The following ACSF3 variants were observed in gnomAD, a reference collection of about 807,000 sequenced individuals.
ACSF3 encodes acyl-CoA synthetase family member 3, also known as malonate--CoA ligase ACSF3, mitochondrial.
ACSF3 carries 78 observed loss-of-function variants against 53.2 expected under a neutral mutation model. The observed-to-expected ratio is 1.47, with a 90% CI of 1.22 to 1.77. The LOEUF is 1.77. Ranked by LOEUF, ACSF3 falls within the 40% of genes most tolerant of loss-of-function variation. ACSF3 has a pLI of 0.00. For synonymous variants in ACSF3, 414 were observed against 333.1 expected, an observed-to-expected ratio of 1.24 and a Z score of -2.65; for missense variants, 937 against 771.1, an observed-to-expected ratio of 1.22 and a Z score of -2.55.
intron 7 of ACSF3, 109 bp from the exon 8 acceptor site, chr16:89,133,027 C>G (rs1233431916): frequency 1.3e-6 from 2 of 1,503,500 alleles, no homozygotes; most frequent in South Asian, 1.1e-5. Flanking sequence ...AGAAAGCACG[C>G]GGCCCTGGGT....
intron 4 of ACSF3, among the ~76,000 whole-genome samples, chr16:89,104,355 C>T (rs544390865): frequency 6.6e-6 from 1 of 152,206 alleles, no homozygotes; most frequent in Non-Finnish European, 1.5e-5. Flanking sequence ...TTGGTCTGTG[C>T]GGGGTTGTTC....
At chr16:89,141,885 C>G (rs527302345) in intron 8 of ACSF3, among the ~76,000 whole-genome samples, 27 of 152,216 alleles carry the variant, frequency 1.8e-4, no homozygotes, top group Non-Finnish European at 3.5e-4. Flanking sequence ...AAGTTCTGGG[C>G]ACAGAAGCAC....
At chr16:89,098,829 T>C (rs931727000) in intron 2 of ACSF3, 66 bp downstream of exon 2, 3 of 453,310 alleles carry the variant, frequency 6.6e-6, no homozygotes, top group Non-Finnish European at 1.3e-5. Flanking sequence ...GTTTGTTTAC[T>C]GAACAGAGTG....
Position 89,101,542 on chromosome 16 carries a change from G to A in ACSF3, c.666+195G>A, listed in dbSNP as rs6500530. Among the ~76,000 whole-genome samples the A allele has an allele frequency of 0.67, 101,404 of 151,476 alleles. 34,823 individuals carry two copies. The highest frequency in any genetic ancestry group is 0.75 in the Admixed American group (11,453 of 15,256). On this transcript the variant is annotated intron_variant, in intron 3 of 10. Coordinates refer to ENST00000614302, the MANE Select transcript of ACSF3 (RefSeq NM_001243279.3). ...CTGGCCTCACTGGCCACGCAGGACG[G>A]CTCTGGGAGCGTCCAGGTGTAGAGG...
At chr16:89,094,853 C>G (rs1333598898) in intron 1 of ACSF3, among the ~76,000 whole-genome samples, 4 of 152,194 alleles carry the variant, frequency 2.6e-5, no homozygotes, top group Non-Finnish European at 5.9e-5. Flanking sequence ...CATGACAGCA[C>G]CATTGCACTC....
chr16:89,154,269 C>G lies in ACSF3; in HGVS notation c.*62C>G. ...GCAGACGTCCCCTTCACACCGAGAA[C>G]CACGGGGGCCCGTCCAAGACCTGGC... is the stretch of plus-strand genomic sequence containing the variant. On this transcript the variant is annotated 3_prime_UTR_variant, in exon 11 of 11. Transcript: ENST00000614302. 1 of 1,505,628 alleles carries G rather than the reference C, an allele frequency of 6.6e-7. No homozygotes were observed. Among genetic ancestry groups the G allele is most frequent in the Non-Finnish European group, 9.2e-7 (1 of 1,092,838 alleles). The allele number at this position is 1,505,628 out of a possible 1,614,324, so 93.3% of individuals were successfully genotyped here. A position where few individuals can be genotyped will look rare whatever the true frequency, so the allele number is the denominator to read the frequency against.
rs747820684 is a variant in ACSF3, at chr16:89,101,315, G to A, written c.634G>A (p.Val212Met). The A allele has an allele frequency of 1.3e-5, 21 of 1,598,142 alleles. No homozygotes were observed. Among genetic ancestry groups the A allele is most frequent in the African/African-American group, 2.7e-5 (2 of 74,768 alleles). The part of the protein sequence containing the change: ...TSGTTGRPKG[V>M]LSTHQNIRAV... ...TGGGACCACGGGGAGGCCCAAGGGC[G>A]TGCTGAGCACGCACCAAAACATCAG... The change falls in exon 3 of 11, where the codon GTG (valine) becomes ATG (methionine). Residue 212 changes from valine to methionine, a missense_variant. Val to Met is a conservative substitution (Grantham distance 21). Coordinates refer to ENST00000614302, the MANE Select transcript of ACSF3 (RefSeq NM_001243279.3).
intron 4 of ACSF3, among the ~76,000 whole-genome samples, chr16:89,103,597 G>A (rs1975627823): frequency 1.3e-5 from 2 of 152,248 alleles, no homozygotes; most frequent in Non-Finnish European, 2.9e-5. Flanking sequence ...CCACCACTGC[G>A]AGAGGTGACA....
At chr16:89,102,054 C>T (rs188701317) in intron 3 of ACSF3, among the ~76,000 whole-genome samples, 61 of 152,368 alleles carry the variant, frequency 4.0e-4, no homozygotes, top group African/African-American at 1.4e-3. Flanking sequence ...CCTGTGCAGG[C>T]AGCAGGCAGT....
At chr16:89,112,278 A>G (rs1289784734) in intron 5 of ACSF3, 32 bp downstream of exon 5, 15 of 1,611,632 alleles carry the variant, frequency 9.3e-6, no homozygotes, top group Middle Eastern at 3.3e-4. Context: ...TCTCGTTCAG[A>G]AAGTCTTAAA....
At chr16:89,130,388 A>G (rs1443972680) in intron 7 of ACSF3, among the ~76,000 whole-genome samples, 2 of 152,202 alleles carry the variant, frequency 1.3e-5, no homozygotes, top group Admixed American at 6.5e-5. Flanking sequence ...AGCCTGGCCA[A>G]CATGGGGAAA....
intron 8 of ACSF3, among the ~76,000 whole-genome samples, chr16:89,137,849 C>T (rs1280643122): frequency 2.6e-5 from 4 of 152,202 alleles, no homozygotes; most frequent in African/African-American, 2.4e-5. Flanking sequence ...CTCATGGGCA[C>T]CACTGCCGGG....
chr16:89,138,507 G>A (rs994015222), intron 8 of ACSF3, among the ~76,000 whole-genome samples: 2 of 152,222 alleles, frequency 1.3e-5, no homozygotes, highest in South Asian at 2.1e-4. Context: ...AGAGCCGATC[G>A]CGGGGATGAC....
chr16:89,138,992 C>G (rs1911183442), intron 8 of ACSF3, among the ~76,000 whole-genome samples: 1 of 152,222 alleles, frequency 6.6e-6, no homozygotes, highest in Non-Finnish European at 1.5e-5. Flanking sequence ...TGTGCGGTCC[C>G]CGCATCCCGA....
At position 89,133,201 on chromosome 16, in the gene ACSF3, A is replaced by G. The variant is rs375414491; in HGVS notation, c.1305A>G (p.Glu435=). 1 of 1,614,160 alleles carries G rather than the reference A, an allele frequency of 6.2e-7. No individual in the cohort carries two copies. The highest frequency in any genetic ancestry group is 8.5e-7 in the Non-Finnish European group (1 of 1,180,030). The stretch of plus-strand genomic sequence containing the variant: ...TGAGGGGACCCTCCGTGTTTCGAGA[A>G]TACTGGAATAAACCAGAAGAAACTA... ...LLVRGPSVFR[E]YWNKPEETKS... is the part of the protein sequence containing the mutation. Residue 435 remains glutamate (E), a synonymous_variant, in exon 8 of 11, where the codon GAA becomes GAG. Coordinates refer to ENST00000614302, the MANE Select transcript of ACSF3 (RefSeq NM_001243279.3).
Position 89,154,289 on chromosome 16 carries a change from C to A in ACSF3, c.*82C>A. Reference sequence around the variant, plus strand: ...GAGAACCACGGGGGCCCGTCCAAGACCTGGCCTCCCTTAAACCTGAACCCC... The same window carrying A: ...GAGAACCACGGGGGCCCGTCCAAGAACTGGCCTCCCTTAAACCTGAACCCC... On this transcript the variant is annotated 3_prime_UTR_variant, in exon 11 of 11. Coordinates refer to ENST00000614302, the MANE Select transcript of ACSF3 (RefSeq NM_001243279.3). The A allele has an allele frequency of 7.6e-7, 1 of 1,308,202 alleles. No individual in the cohort carries two copies. Among genetic ancestry groups the A allele is most frequent in the Non-Finnish European group, 1.1e-6 (1 of 919,736 alleles). 81.0% of individuals were successfully genotyped at this position (1,308,202 alleles called of 1,614,324 possible).
At chr16:89,142,880 T>TCTGGCCCACAG (rs1912135017) in intron 8 of ACSF3, among the ~76,000 whole-genome samples, 1 of 152,234 alleles carries the variant, frequency 6.6e-6, no homozygotes, top group Non-Finnish European at 1.5e-5. Context: ...AATCAGCCAT[T>TCTGGCCCACAG]GATGGGCCTC....
chr16:89,153,511 C>T (rs953902279), intron 10 of ACSF3: 1 of 157,760 alleles, frequency 6.3e-6, no homozygotes, highest in African/African-American at 2.4e-5. Flanking sequence ...AAGGGGGACC[C>T]TGAGTGGAGG....
intron 8 of ACSF3, among the ~76,000 whole-genome samples, chr16:89,142,664 GCCACACCTGCAGAGACAC>G (rs1567741706): frequency 1.4e-5 from 2 of 144,852 alleles, no homozygotes; most frequent in Non-Finnish European, 1.5e-5. Flanking sequence ...TGCAGACAGA[GCCACACCTGCAGAGACAC>G]CCTCACCTGC....
Sources: gnomAD v4.1 joint callset for allele counts (sites outside exome capture counted in the v4.1 genomes callset) on GRCh38, gnomAD v4.1.1 for gene constraint, MANE v1.5 for transcripts, NCBI Gene and HGNC (gene_info 2026-07-23, HGNC 2026-07-21) for gene names.